THSD4: variants seen among roughly 807,000 people sequenced by gnomAD.
THSD4 encodes thrombospondin type 1 domain containing 4.
In THSD4, 69 loss-of-function variants were observed where a neutral mutation model predicts 119.0. The observed-to-expected ratio is 0.58, with a 90% CI of 0.48 to 0.71. The LOEUF (loss-of-function observed/expected upper bound fraction) is 0.71. THSD4 is among the 30% of genes least tolerant of loss of function. THSD4 has a pLI of 0.00. For missense variants in THSD4, 1,393 were observed against 1,391.1 expected, an observed-to-expected ratio of 1.00 and a Z score of -0.02; for synonymous variants, 524 against 540.4, an observed-to-expected ratio of 0.97 and a Z score of 0.42.
At chr15:71,406,646 GT>G (rs2046611649) in intron 6 of THSD4, among the ~76,000 whole-genome samples, 13 of 6,640 alleles carry the variant, frequency 2.0e-3, no homozygotes, top group Admixed American at 7.5e-3. Context: ...TTTGTTTGGT[GT>G]GTGTGTGTGT....
At chr15:71,243,187 A>T (rs148972394) in intron 5 of THSD4, 91 bp downstream of exon 5, 1 of 1,311,366 alleles carries the variant, frequency 7.6e-7, no homozygotes, top group Non-Finnish European at 1.1e-6. Context: ...CAGCAAGGAT[A>T]TGGTGTCTGG....
intron 7 of THSD4, among the ~76,000 whole-genome samples, chr15:71,491,496 G>A (rs2047918927): frequency 6.6e-6 from 1 of 152,188 alleles, no homozygotes; most frequent in South Asian, 2.1e-4. Flanking sequence ...CTTGGAACTT[G>A]GCAGAGAGTC....
At chr15:71,756,327 G>A (rs987670735) in intron 14 of THSD4, among the ~76,000 whole-genome samples, 2 of 152,164 alleles carry the variant, frequency 1.3e-5, no homozygotes, top group African/African-American at 4.8e-5. Context: ...TTGTCTAGAT[G>A]TTGGAAGCAA....
intron 7 of THSD4, among the ~76,000 whole-genome samples, chr15:71,622,939 A>G (rs985868): frequency 0.33 from 49,885 of 151,944 alleles, 8,717 homozygotes; most frequent in Middle Eastern, 0.4. Flanking sequence ...GATAAAGAAA[A>G]TAAGAGCAAG....
rs570554790 is a variant in THSD4, at chr15:71,246,648, C to A, written c.912+3552C>A. 2.6e-4 allele frequency among the ~76,000 whole-genome samples: 40 copies of A among 152,284 alleles called. No individual in the cohort carries two copies. In the South Asian group the frequency reaches 8.3e-3, roughly 32 times the overall value. On this transcript the variant is annotated intron_variant, in intron 5 of 17. Transcript: ENST00000261862. ...TATGGTGTGATCTAGGAATTTTAAG[C>A]ATTCCAGCATGTCTCTGAGATTGTT...
intron 7 of THSD4, among the ~76,000 whole-genome samples, chr15:71,484,450 T>TA (rs1349619554): frequency 6.6e-6 from 1 of 152,228 alleles, no homozygotes; most frequent in Non-Finnish European, 1.5e-5. Context: ...CAGAAAGATT[T>TA]TGTGTTTTAC....
chr15:71,154,769 C>CA (rs926818586), intron 2 of THSD4, 94 bp from the exon 3 acceptor site: 1 of 1,279,368 alleles, frequency 7.8e-7, no homozygotes, highest in African/African-American at 1.5e-5. Context: ...CTGTTCCCCC[C>CA]CCATCCACTG....
At chr15:71,663,447 C>T (rs933333659) in intron 8 of THSD4, among the ~76,000 whole-genome samples, 6 of 152,270 alleles carry the variant, frequency 3.9e-5, no homozygotes, top group East Asian at 1.9e-4. Context: ...CCAGAGATGA[C>T]GAACAGAGAT....
rs374464107 is a variant in THSD4 at position 71,745,127 on chromosome 15, G to A, written c.1928G>A (p.Arg643His). ...GCAGGATCGCAGTACCCTATTTTCC[G>A]CTGTGTGCACAGAAGCACTCATGAA... ...CGKGSQYPIFRCVHRSTHEEA... is the reference protein window; with the variant it reads ...CGKGSQYPIFHCVHRSTHEEA... Residue 643 changes from arginine to histidine, a missense_variant, in exon 12 of 18, where the codon CGC becomes CAC. By Grantham distance (29) the Arg-to-His change is conservative. Coordinates refer to ENST00000261862, the MANE Select transcript of THSD4 (RefSeq NM_024817.3). 4.2e-5 allele frequency: 68 copies of A among 1,610,812 alleles called. No homozygotes were observed. The highest frequency in any genetic ancestry group is 3.0e-4 in the Admixed American group (18 of 59,914).
chr15:71,111,911 C>T (rs1233196358), upstream of THSD4: 6 of 564,148 alleles, frequency 1.1e-5, no homozygotes, highest in Non-Finnish European at 1.2e-5. Flanking sequence ...AAGGATTCCA[C>T]GTCAAATACA....
At chr15:71,668,237 A>G (rs1385834788) in intron 8 of THSD4, among the ~76,000 whole-genome samples, 2 of 152,190 alleles carry the variant, frequency 1.3e-5, no homozygotes. Context: ...ATGATACTAA[A>G]GCGATTTAAC....
intron 7 of THSD4, among the ~76,000 whole-genome samples, chr15:71,429,949 AAAAC>A (rs2046920427): frequency 6.6e-6 from 1 of 152,254 alleles, no homozygotes; most frequent in South Asian, 2.1e-4. Flanking sequence ...AAACAGATGA[AAAAC>A]AAACATTAAT....
At chr15:71,218,006 C>T (rs910856008) in intron 4 of THSD4, among the ~76,000 whole-genome samples, 1 of 151,916 alleles carries the variant, frequency 6.6e-6, no homozygotes, top group Admixed American at 6.6e-5. Flanking sequence ...AGGCTGGCCT[C>T]GAACTCCTGC....
chr15:71,737,934 GC>G lies in THSD4; in HGVS notation c.1838del (p.Pro613HisfsTer50). The G allele has an allele frequency of 6.2e-7, 1 of 1,614,186 alleles. No individual in the cohort carries two copies. Among genetic ancestry groups the G allele is most frequent in the Non-Finnish European group, 8.5e-7 (1 of 1,180,004 alleles). ...ACAACTTGGTGCCACCAGCACCGCA[GC>G]CCCCACGGCGCAGCCGGGATCACAA... ...PDNLVPPAPQ[P>X]PRRSRDHNWK... is the part of the protein sequence containing the mutation. On this transcript the variant is annotated frameshift_variant, in exon 11 of 18. Coordinates refer to ENST00000261862, the MANE Select transcript of THSD4 (RefSeq NM_024817.3). LOFTEE classifies it high-confidence loss of function.
chr15:71,192,612 G>A (rs756630344), intron 3 of THSD4, among the ~76,000 whole-genome samples: 5 of 152,072 alleles, frequency 3.3e-5, no homozygotes, highest in Admixed American at 6.6e-5. Context: ...ACCTGTTCTC[G>A]ACAGTTTTTT....
chr15:71,319,459 T>A (rs2045238019), intron 6 of THSD4, among the ~76,000 whole-genome samples: 1 of 146,776 alleles, frequency 6.8e-6, no homozygotes, highest in Non-Finnish European at 1.5e-5. Context: ...CGAAGTGTTC[T>A]CACTGTTCAA....
intron 6 of THSD4, among the ~76,000 whole-genome samples, chr15:71,294,725 A>G (rs1465678390): frequency 1.3e-5 from 2 of 152,082 alleles, no homozygotes; most frequent in African/African-American, 4.8e-5. Flanking sequence ...AACGATTACC[A>G]AACATTCCTC....
At chr15:71,563,025 C>G (rs1018965418) in intron 7 of THSD4, among the ~76,000 whole-genome samples, 1 of 152,126 alleles carries the variant, frequency 6.6e-6, no homozygotes, top group Admixed American at 6.6e-5. Context: ...AGTCTCAGAT[C>G]TGGTTTGACC....
At chr15:71,547,777 AG>A in intron 7 of THSD4, 1 of 220,492 alleles carries the variant, frequency 4.5e-6, no homozygotes, top group South Asian at 1.7e-4. Context: ...CTGCTGTAGC[AG>A]AAAAAAAAAA....
Sources: gnomAD v4.1 joint callset for allele counts (sites outside exome capture counted in the v4.1 genomes callset) on GRCh38, gnomAD v4.1.1 for gene constraint, MANE v1.5 for transcripts, NCBI Gene and HGNC (gene_info 2026-07-23, HGNC 2026-07-21) for gene names.